Variants in NTRK3 observed in about 807,000 individuals in gnomAD.
NTRK3 encodes the protein NT-3 growth factor receptor.
In NTRK3, 24 loss-of-function variants were observed where a neutral mutation model predicts 91.7. That is an observed-to-expected ratio of 0.26 (90% CI 0.19 to 0.37). The LOEUF (loss-of-function observed/expected upper bound fraction) is 0.37. Among genes scored for constraint, NTRK3 ranks in the 10% least tolerant of loss-of-function variants. The probability of loss-of-function intolerance (pLI) is 1.00; values close to 1 mark genes in which losing one functional copy is unlikely to be tolerated. For synonymous variants in NTRK3, 483 were observed against 404.0 expected, an observed-to-expected ratio of 1.20 and a Z score of -2.34; for missense variants, 880 against 1,068.9, an observed-to-expected ratio of 0.82 and a Z score of 2.46.
chr15:88,108,966 G>C (rs2051017952), intron 13 of NTRK3, among the ~76,000 whole-genome samples: 1 of 152,156 alleles, frequency 6.6e-6, no homozygotes, highest in South Asian at 2.1e-4. Flanking sequence ...AGACAAGAAA[G>C]AATCCCTCCC....
chr15:88,207,528 C>T (rs532343986), intron 3 of NTRK3, among the ~76,000 whole-genome samples: 57 of 152,332 alleles, frequency 3.7e-4, no homozygotes, highest in African/African-American at 1.2e-3. Flanking sequence ...TCACTGTGGC[C>T]TCATCCAGTC....
intron 5 of NTRK3, among the ~76,000 whole-genome samples, chr15:88,156,862 G>T (rs572500792): frequency 1.3e-5 from 2 of 152,106 alleles, no homozygotes; most frequent in African/African-American, 2.4e-5. Context: ...CTCAAAGAAC[G>T]TATGGAAAGT....
At chr15:87,950,566 G>T (rs1358984175) in intron 14 of NTRK3, among the ~76,000 whole-genome samples, 1 of 152,100 alleles carries the variant, frequency 6.6e-6, no homozygotes, top group African/African-American at 2.4e-5. Context: ...GACAGAACTG[G>T]GTATAAATTC....
chr15:87,923,651 G>T (rs1032981884), intron 17 of NTRK3, among the ~76,000 whole-genome samples: 2 of 152,142 alleles, frequency 1.3e-5, no homozygotes, highest in African/African-American at 4.8e-5. Context: ...ATTGGAGAAA[G>T]CATTCATATT....
chr15:87,879,398 C>T (rs1337715962), intron 18 of NTRK3, among the ~76,000 whole-genome samples: 3 of 152,190 alleles, frequency 2.0e-5, no homozygotes, highest in Non-Finnish European at 4.4e-5. Context: ...TTCCCTGGGG[C>T]AACATGGCAT....
At chr15:87,868,742 G>C (rs148137037) in exon 19 of NTRK3, 430 of 222,540 alleles carry the variant, frequency 1.9e-3, no homozygotes, top group African/African-American at 9.2e-3. Context: ...TATAGAGTGA[G>C]TCTGGCTCAT....
intron 14 of NTRK3, among the ~76,000 whole-genome samples, chr15:87,953,580 C>G (rs1038243770): frequency 1.3e-5 from 2 of 152,122 alleles, no homozygotes; most frequent in Admixed American, 6.5e-5. Context: ...TAGACCTGTG[C>G]AGCTAATGAA....
chr15:88,177,227 C>G (rs191033340), intron 5 of NTRK3, among the ~76,000 whole-genome samples: 2 of 152,118 alleles, frequency 1.3e-5, no homozygotes, highest in Non-Finnish European at 2.9e-5. Context: ...TTGTAAGTAA[C>G]GCAAGAAGTA....
intron 10 of NTRK3, 51 bp from the exon 11 acceptor site, chr15:88,128,785 C>T (rs1483076740): frequency 2.0e-6 from 3 of 1,511,166 alleles, no homozygotes; most frequent in East Asian, 4.5e-5. Context: ...AAAACCAGAA[C>T]AGACACACTA....
chr15:87,958,842 T>C (rs62019207), intron 14 of NTRK3, among the ~76,000 whole-genome samples: 9,102 of 151,984 alleles, frequency 0.06, 353 homozygotes, highest in Middle Eastern at 0.099. Flanking sequence ...CTAACCCAAG[T>C]CATCTTTAAA....
chr15:88,059,872 C>T (rs12592674), intron 13 of NTRK3, among the ~76,000 whole-genome samples: 46,705 of 152,040 alleles, frequency 0.31, 7,266 homozygotes, highest in African/African-American at 0.33. Context: ...TGGTGTCCTT[C>T]TTAGAAGAAC....
At chr15:88,195,223 T>A (rs59806447) in intron 3 of NTRK3, among the ~76,000 whole-genome samples, 6,640 of 152,246 alleles carry the variant, frequency 0.044, 462 homozygotes, top group African/African-American at 0.15. Context: ...TGAGAAATGA[T>A]GCTCTAGATA....
At chr15:87,908,314 T>C (rs1190476066) in intron 17 of NTRK3, among the ~76,000 whole-genome samples, 2 of 152,052 alleles carry the variant, frequency 1.3e-5, no homozygotes, top group Non-Finnish European at 2.9e-5. Context: ...ATCAATGGCT[T>C]TGGCAGGAAA....
chr15:88,256,718 G>A (rs1447723052), exon 1 of NTRK3: 2 of 367,184 alleles, frequency 5.4e-6, no homozygotes, highest in African/African-American at 2.1e-5. Context: ...CTCGCCGCGC[G>A]GCTGCAGAAA....
At chr15:88,140,190 T>C (rs886671118) in intron 6 of NTRK3, among the ~76,000 whole-genome samples, 1 of 152,082 alleles carries the variant, frequency 6.6e-6, no homozygotes, top group Non-Finnish European at 1.5e-5. Context: ...AAGAGGTCTG[T>C]AAAAAGAGAA....
At chr15:88,169,049 G>T (rs890585509) in intron 5 of NTRK3, among the ~76,000 whole-genome samples, 3 of 152,220 alleles carry the variant, frequency 2.0e-5, no homozygotes, top group African/African-American at 4.8e-5. Context: ...GCTAGAGGTG[G>T]CATGGCACAT....
In NTRK3 at chr15:87,885,741, C is replaced by T; in HGVS notation, c.2134-5313G>A. ...TTTCCAGATGGATTAAAGAGCTAAA[C>T]ATAAAAAACAAAACAATAATAATAT... On this transcript the variant is annotated intron_variant, in intron 17 of 18. Coordinates refer to ENST00000394480, the Ensembl canonical transcript of NTRK3. 2 of 1,257,918 alleles carry T rather than the reference C, an allele frequency of 1.6e-6. No individual in the cohort carries two copies. The highest frequency in any genetic ancestry group is 2.1e-6 in the Non-Finnish European group (2 of 955,434). 77.9% of individuals were successfully genotyped at this position (1,257,918 alleles called of 1,614,324 possible).
At chr15:88,119,017 A>G (rs1320436215) in intron 13 of NTRK3, among the ~76,000 whole-genome samples, 1 of 152,172 alleles carries the variant, frequency 6.6e-6, no homozygotes, top group Non-Finnish European at 1.5e-5. Context: ...ACAGAGGAAA[A>G]ATATTTTGCA....
chr15:88,117,065 A>T (rs1174240794), intron 13 of NTRK3, among the ~76,000 whole-genome samples: 1 of 152,218 alleles, frequency 6.6e-6, no homozygotes, highest in Non-Finnish European at 1.5e-5. Flanking sequence ...TCACCAGAGG[A>T]AGTAAAAAAG....
Sources: gnomAD v4.1 joint callset for allele counts (sites outside exome capture counted in the v4.1 genomes callset) on GRCh38, gnomAD v4.1.1 for gene constraint, MANE v1.5 for transcripts, NCBI Gene and HGNC (gene_info 2026-07-23, HGNC 2026-07-21) for gene names.